FAM184A: variants seen among roughly 807,000 people sequenced by gnomAD.
The protein encoded by FAM184A is family with sequence similarity 184 member A.
In FAM184A, 99 loss-of-function variants were observed where a neutral mutation model predicts 143.8. The ratio of observed to expected loss-of-function variants is 0.69; its 90% confidence interval spans 0.58 to 0.81. The LOEUF (loss-of-function observed/expected upper bound fraction) is 0.81, where lower values mean the gene tolerates loss of function less well. Among genes scored for constraint, FAM184A ranks in the 40% least tolerant of loss-of-function variants. The pLI is 0.00. For synonymous variants in FAM184A, 427 were observed against 446.4 expected (o/e 0.96, Z 0.55); for missense variants, 1,217 against 1,310.5 (o/e 0.93, Z 1.10).
intron 1 of FAM184A, among the ~76,000 whole-genome samples, chr6:119,112,503 G>C (rs1454988675): frequency 6.6e-6 from 1 of 152,142 alleles, no homozygotes; most frequent in Non-Finnish European, 1.5e-5. Context: ...GAAAACTCTT[G>C]AGATAACATT....
chr6:119,058,173 CTCT>C (rs1787076591), intron 1 of FAM184A, among the ~76,000 whole-genome samples: 1 of 134,330 alleles, frequency 7.4e-6, no homozygotes, highest in Non-Finnish European at 1.5e-5. Context: ...TTCTCCTTCT[CTCT>C]TTTTTTTTTT....
At chr6:119,057,035 G>A (rs1787003676) in intron 1 of FAM184A, among the ~76,000 whole-genome samples, 1 of 152,176 alleles carries the variant, frequency 6.6e-6, no homozygotes, top group Non-Finnish European at 1.5e-5. Flanking sequence ...ATCAGACCTT[G>A]AGCAGTAGGA....
intron 1 of FAM184A, among the ~76,000 whole-genome samples, chr6:119,093,338 C>T (rs1044469775): frequency 3.9e-5 from 6 of 152,050 alleles, no homozygotes; most frequent in South Asian, 2.1e-4. Context: ...TTCAAGGCAC[C>T]GTCTTAGCAG....
intron 14 of FAM184A, among the ~76,000 whole-genome samples, chr6:118,970,326 C>T (rs1346860490): frequency 6.6e-6 from 1 of 151,674 alleles, no homozygotes; most frequent in Non-Finnish European, 1.5e-5. Context: ...TCTTAAATTG[C>T]CTTCATAACT....
At chr6:119,038,207 T>A (rs542227363) in intron 1 of FAM184A, among the ~76,000 whole-genome samples, 1 of 151,954 alleles carries the variant, frequency 6.6e-6, no homozygotes, top group East Asian at 1.9e-4. Flanking sequence ...GTAAAAAAAA[T>A]AAACAAACAA....
chr6:119,014,796 C>A (rs575900953), intron 5 of FAM184A, among the ~76,000 whole-genome samples: 1 of 152,322 alleles, frequency 6.6e-6, no homozygotes, highest in African/African-American at 2.4e-5. Context: ...CGGTAGCTCA[C>A]ACCTATAATT....
chr6:119,096,112 G>C (rs77116125), intron 1 of FAM184A, among the ~76,000 whole-genome samples: 2,135 of 152,260 alleles, frequency 0.014, 26 homozygotes, highest in South Asian at 0.026. Flanking sequence ...ACCCCTTTGA[G>C]GTGGTGACAT....
At position 119,024,449 on chromosome 6, in the gene FAM184A, A is replaced by G. The variant is rs1195443804; in HGVS notation, c.524T>C (p.Leu175Pro). ...TTTGTCTTTTTCAAACTGTACTTGAAGTTGTCCAAAGCTCCGTAATTTTTC... is the reference window on the plus strand; with the variant it reads ...TTTGTCTTTTTCAAACTGTACTTGAGGTTGTCCAAAGCTCCGTAATTTTTC... ...FEEKLRSFGQ[L>P]QVQFEKDKRL... is the part of the protein sequence containing the mutation. The change falls in exon 2 of 18, where the codon CTT becomes CCT. Residue 175 changes from leucine (L) to proline (P), a missense_variant. Coordinates refer to ENST00000338891, the MANE Select transcript of FAM184A (RefSeq NM_024581.6). The G allele has an allele frequency of 2.5e-6, 4 of 1,614,104 alleles. No individual in the cohort carries two copies. The Admixed American group carries it at 5.0e-5, about 20-fold the overall frequency.
chr6:119,084,429 C>T (rs150342086), intron 1 of FAM184A, among the ~76,000 whole-genome samples: 1 of 152,352 alleles, frequency 6.6e-6, no homozygotes, highest in East Asian at 1.9e-4. Context: ...GACTCCATGT[C>T]TTACATCCAG....
intron 1 of FAM184A, among the ~76,000 whole-genome samples, chr6:119,097,563 G>A (rs533465499): frequency 4.1e-4 from 63 of 152,020 alleles, no homozygotes; most frequent in Non-Finnish European, 7.9e-4. Context: ...TTTCTACCAC[G>A]GTCCCTGGCT....
At chr6:118,964,526 A>G (rs797017) in intron 16 of FAM184A, 141 bp downstream of exon 16, 25,938 of 456,466 alleles carry the variant, frequency 0.057, 1,198 homozygotes, top group East Asian at 0.19. Flanking sequence ...TAAATAATTC[A>G]TAAGTTTTAG....
At chr6:119,056,807 C>T (rs1281565204) in intron 1 of FAM184A, among the ~76,000 whole-genome samples, 1 of 152,122 alleles carries the variant, frequency 6.6e-6, no homozygotes, top group African/African-American at 2.4e-5. Context: ...GAACTATATC[C>T]CATATAAGCC....
intron 1 of FAM184A, among the ~76,000 whole-genome samples, chr6:119,033,627 T>C (rs1214073829): frequency 1.4e-5 from 2 of 146,346 alleles, no homozygotes; most frequent in African/African-American, 5.1e-5. Flanking sequence ...ATTATGCCGC[T>C]GCACTCCAGC....
chr6:118,978,795 G>T (rs1783924663), intron 11 of FAM184A, among the ~76,000 whole-genome samples: 2 of 152,032 alleles, frequency 1.3e-5, no homozygotes, highest in Non-Finnish European at 2.9e-5. Flanking sequence ...AAATGAGATG[G>T]TAAGAATAAA....
At chr6:119,065,057 T>A (rs1787393364) in intron 1 of FAM184A, among the ~76,000 whole-genome samples, 1 of 152,196 alleles carries the variant, frequency 6.6e-6, no homozygotes, top group South Asian at 2.1e-4. Flanking sequence ...GTAACCATCC[T>A]CCAAAATAAC....
At chr6:118,999,017 A>C (rs530651943) in intron 9 of FAM184A, among the ~76,000 whole-genome samples, 2 of 152,304 alleles carry the variant, frequency 1.3e-5, no homozygotes, top group East Asian at 3.9e-4. Flanking sequence ...AAGAACTACA[A>C]GTGTCCTGGA....
At chr6:119,026,149 G>A (rs1004226421) in intron 1 of FAM184A, among the ~76,000 whole-genome samples, 1 of 152,070 alleles carries the variant, frequency 6.6e-6, no homozygotes, top group African/African-American at 2.4e-5. Context: ...TCATACCAAA[G>A]GTAAAAAGAT....
chr6:118,994,331 A>AAATAAATG lies in FAM184A; in HGVS notation c.2088+8567_2088+8568insCATTTATT, dbSNP rs71866208. Among the ~76,000 whole-genome samples the AAATAAATG allele has an allele frequency of 4.8e-4, 30 of 61,904 alleles. No homozygotes were observed. In the East Asian group the frequency reaches 0.048, roughly 98 times the overall value. 40.6% of individuals were successfully genotyped at this position (61,904 alleles called of 152,430 possible). ...CTACTGATTTCAATACCTCGAGTTA[A>AAATAAATG]AATAAATAAATAAATAAATAAATAT... is the stretch of plus-strand genomic sequence containing the variant. On this transcript the variant is annotated intron_variant, in intron 9 of 17. Coordinates refer to ENST00000338891, the MANE Select transcript of FAM184A (RefSeq NM_024581.6).
intron 1 of FAM184A, among the ~76,000 whole-genome samples, chr6:119,056,653 T>C (rs1001562896): frequency 1.3e-5 from 2 of 152,194 alleles, no homozygotes; most frequent in Non-Finnish European, 2.9e-5. Context: ...TCCAAAGTGA[T>C]GTAAATTGGG....
Sources: gnomAD v4.1 joint callset for allele counts (sites outside exome capture counted in the v4.1 genomes callset) on GRCh38, gnomAD v4.1.1 for gene constraint, MANE v1.5 for transcripts, NCBI Gene and HGNC (gene_info 2026-07-23, HGNC 2026-07-21) for gene names.